Variants in NFIA observed in about 807,000 individuals in gnomAD.
The protein encoded by NFIA is nuclear factor I A.
A neutral mutation model predicts 62.8 loss-of-function variants in NFIA; 8 were observed. That is an observed-to-expected ratio of 0.13 (90% CI 0.07 to 0.23). NFIA has a LOEUF of 0.23. NFIA is among the 10% of genes least tolerant of loss of function. The pLI is 1.00. For synonymous variants in NFIA, 235 were observed against 238.1 expected, an observed-to-expected ratio of 0.99 and a Z score of 0.12; for missense variants, 410 against 642.1, an observed-to-expected ratio of 0.64 and a Z score of 3.91.
At chr1:61,236,993 C>G (rs947380638) in intron 2 of NFIA, among the ~76,000 whole-genome samples, 1 of 152,012 alleles carries the variant, frequency 6.6e-6, no homozygotes, top group South Asian at 2.1e-4. Flanking sequence ...TATCTAGAAC[C>G]CTTCTTCTCA....
At chr1:61,136,958 T>TA (rs1462194872) in intron 2 of NFIA, among the ~76,000 whole-genome samples, 1 of 152,202 alleles carries the variant, frequency 6.6e-6, no homozygotes, top group Non-Finnish European at 1.5e-5. Flanking sequence ...GCCTGGCACA[T>TA]AATAGGTGTT....
chr1:61,364,633 T>G (rs1663485712), intron 6 of NFIA, among the ~76,000 whole-genome samples: 2 of 152,186 alleles, frequency 1.3e-5, no homozygotes, highest in Non-Finnish European at 2.9e-5. Context: ...GTGTGTTCCT[T>G]TAAGTGAATC....
At chr1:61,187,575 A>G (rs913432089) in intron 2 of NFIA, among the ~76,000 whole-genome samples, 3 of 152,204 alleles carry the variant, frequency 2.0e-5, no homozygotes, top group Admixed American at 6.5e-5. Flanking sequence ...GTGTCAGAGA[A>G]CAGTCTCAGA....
chr1:61,229,237 A>G (rs1217749366), intron 2 of NFIA, among the ~76,000 whole-genome samples: 1 of 152,136 alleles, frequency 6.6e-6, no homozygotes, highest in African/African-American at 2.4e-5. Flanking sequence ...AGCATAAAAT[A>G]TAAGATCACG....
In NFIA at chr1:61,456,079, C is replaced by T. The variant is rs1281920418; in HGVS notation, c.*759C>T. The T allele has an allele frequency of 2.6e-5, 4 of 152,606 alleles. No individual in the cohort carries two copies. In the East Asian group the frequency reaches 7.7e-4, roughly 29 times the overall value. 9.5% of individuals were successfully genotyped at this position (152,606 alleles called of 1,614,324 possible). ...AACAACATTTTTTCAACAATTTCAA[C>T]AATGACACAAAAATTCACATGGAAA... On this transcript the variant is annotated 3_prime_UTR_variant, in exon 11 of 11. Transcript: ENST00000403491.
intron 3 of NFIA, among the ~76,000 whole-genome samples, chr1:61,300,680 T>C (rs938305071): frequency 2.0e-5 from 3 of 151,856 alleles, no homozygotes; most frequent in Non-Finnish European, 4.4e-5. Flanking sequence ...TACACACACA[T>C]ACCATATGTA....
At chr1:61,105,027 C>T (rs1646571708) in intron 2 of NFIA, among the ~76,000 whole-genome samples, 1 of 151,934 alleles carries the variant, frequency 6.6e-6, no homozygotes, top group Admixed American at 6.6e-5. Flanking sequence ...AGTGCAAACT[C>T]TACACTGTGG....
chr1:61,217,331 G>C (rs1653697304), intron 2 of NFIA, among the ~76,000 whole-genome samples: 1 of 151,900 alleles, frequency 6.6e-6, no homozygotes, highest in African/African-American at 2.4e-5. Context: ...GCCTCCCAAA[G>C]TGCTGGGATT....
chr1:61,219,265 T>C (rs1653851931), intron 2 of NFIA, among the ~76,000 whole-genome samples: 1 of 152,024 alleles, frequency 6.6e-6, no homozygotes, highest in Non-Finnish European at 1.5e-5. Context: ...TTATTATTGC[T>C]TGCATACTTT....
intron 2 of NFIA, among the ~76,000 whole-genome samples, chr1:61,193,821 G>A (rs1413696355): frequency 1.3e-5 from 2 of 152,086 alleles, no homozygotes; most frequent in Non-Finnish European, 2.9e-5. Flanking sequence ...TGCCTTTCCT[G>A]GAAATACCAA....
intron 4 of NFIA, among the ~76,000 whole-genome samples, chr1:61,334,370 T>C (rs530628416): frequency 1.4e-4 from 22 of 151,908 alleles, no homozygotes; most frequent in African/African-American, 5.3e-4. Context: ...CCCCTAGTTA[T>C]AGCACAGCTG....
intron 2 of NFIA, among the ~76,000 whole-genome samples, chr1:61,174,218 G>T (rs1424313747): frequency 6.6e-6 from 1 of 152,184 alleles, no homozygotes; most frequent in Non-Finnish European, 1.5e-5. Flanking sequence ...GGTTACTGAA[G>T]CCCTGCCTTG....
chr1:61,293,278 A>G (rs913994676), intron 3 of NFIA, among the ~76,000 whole-genome samples: 1 of 152,122 alleles, frequency 6.6e-6, no homozygotes, highest in African/African-American at 2.4e-5. Context: ...CCATCAAGAT[A>G]TTTCCCAATC....
intron 9 of NFIA, among the ~76,000 whole-genome samples, chr1:61,417,903 G>A (rs1569827053): frequency 6.6e-6 from 1 of 152,168 alleles, no homozygotes; most frequent in Non-Finnish European, 1.5e-5. Context: ...ATCACAGAGG[G>A]GTAAAGCCTT....
intron 4 of NFIA, among the ~76,000 whole-genome samples, chr1:61,351,790 C>T (rs1488677175): frequency 6.6e-6 from 1 of 152,158 alleles, no homozygotes; most frequent in Non-Finnish European, 1.5e-5. Context: ...CATATGGTCT[C>T]TGTTGCAGCT....
chr1:61,107,394 A>G (rs1328623521), intron 2 of NFIA, among the ~76,000 whole-genome samples: 1 of 151,618 alleles, frequency 6.6e-6, no homozygotes, highest in Non-Finnish European at 1.5e-5. Flanking sequence ...AGAGTATTTC[A>G]TTGTGTTTTT....
At chr1:61,176,950 A>G (rs566774196) in intron 2 of NFIA, among the ~76,000 whole-genome samples, 2 of 152,054 alleles carry the variant, frequency 1.3e-5, no homozygotes, top group South Asian at 4.2e-4. Context: ...TAAAAGTACA[A>G]AAAAAATTAG....
At chr1:61,111,088 A>G (rs1646687266) in intron 2 of NFIA, among the ~76,000 whole-genome samples, 1 of 152,154 alleles carries the variant, frequency 6.6e-6, no homozygotes, top group Non-Finnish European at 1.5e-5. Context: ...TTCCTTCTAT[A>G]TAAGATGAAT....
At chr1:61,403,539 G>A (rs941407404) in intron 7 of NFIA, among the ~76,000 whole-genome samples, 4 of 152,114 alleles carry the variant, frequency 2.6e-5, no homozygotes, top group East Asian at 3.9e-4. Context: ...ATCTGAAGGC[G>A]ACATAAACCA....
Sources: allele counts gnomAD v4.1 joint callset (sites outside exome capture counted in the v4.1 genomes callset), GRCh38; gene constraint gnomAD v4.1.1; transcripts MANE v1.5; gene names NCBI Gene and HGNC (gene_info 2026-07-23, HGNC 2026-07-21).